The following PVR variants were observed in gnomAD, a reference collection of about 807,000 sequenced individuals.
PVR encodes poliovirus receptor.
A neutral mutation model predicts 43.3 loss-of-function variants in PVR; 39 were observed. The observed-to-expected ratio is 0.90, with a 90% confidence interval of 0.70 to 1.18. The LOEUF is 1.18. Ranked by LOEUF, PVR falls within the 50% of genes most tolerant of loss-of-function variation. PVR has a pLI of 0.00. For missense variants in PVR, 480 were observed against 549.7 expected (o/e 0.87, Z 1.27); for synonymous variants, 224 against 233.2 (o/e 0.96, Z 0.36).
At chr19:44,656,267 C>G (rs1973442432) in intron 4 of PVR, among the ~76,000 whole-genome samples, 1 of 152,182 alleles carries the variant, frequency 6.6e-6, no homozygotes, top group South Asian at 2.1e-4. Context: ...CCATTTTCAA[C>G]TCTGCAAATG....
intron 1 of PVR, 21 bp downstream of exon 1, chr19:44,644,196 C>A: frequency 6.8e-7 from 1 of 1,472,802 alleles, no homozygotes; most frequent in African/African-American, 1.5e-5. Flanking sequence ...CCCGCGCAGT[C>A]CGGTGGCCCC....
At chr19:44,649,767 G>T (rs776045814) in intron 2 of PVR, 42 bp from the exon 3 acceptor site, 2 of 1,600,324 alleles carry the variant, frequency 1.2e-6, no homozygotes, top group Non-Finnish European at 1.7e-6. Context: ...CTGCCACGGA[G>T]GGGTTCATTG....
rs1473480864 is a variant in PVR at position 44,664,196 on chromosome 19, A to G, written c.*2385A>G. On this transcript the variant is annotated 3_prime_UTR_variant, in exon 8 of 8. Coordinates refer to ENST00000425690, the MANE Select transcript of PVR (RefSeq NM_006505.5). The stretch of plus-strand genomic sequence containing the variant: ...ATTGAATAGTGCACTTTATTTATTT[A>G]TTTATTTGTTTATTTATTTATTTAT... The G allele has an allele frequency of 1.3e-5, 2 of 151,688 alleles. No homozygotes were observed. The highest frequency in any genetic ancestry group is 4.8e-5 in the African/African-American group (2 of 41,266). The allele number at this position is 151,688 out of a possible 1,614,324, so 9.4% of individuals were successfully genotyped here.
At position 44,661,867 on chromosome 19, in the gene PVR, A is replaced by G. The variant is rs1395466924; in HGVS notation, c.*56A>G. 6.5e-7 allele frequency: 1 copy of G among 1,533,940 alleles called. No individual in the cohort carries two copies. On this transcript the variant is annotated 3_prime_UTR_variant, in exon 8 of 8. Coordinates refer to ENST00000425690, the MANE Select transcript of PVR (RefSeq NM_006505.5). ...GGAGCTGGCAAGGACGTGGGCCTCC[A>G]GAGTTGGACCCGACCCCAATGGATG...
intron 1 of PVR, among the ~76,000 whole-genome samples, chr19:44,646,867 C>A (rs648257): frequency 1.3e-5 from 2 of 152,202 alleles, no homozygotes; most frequent in African/African-American, 4.8e-5. Flanking sequence ...GAACTGTATG[C>A]TTTAAATGAC....
rs150444777 is a variant in PVR at position 44,652,506 on chromosome 19, C to T, written c.725-1394C>T. On this transcript the variant is annotated intron_variant, in intron 3 of 7. Transcript: ENST00000425690. Reference sequence around the variant, plus strand: ...TCAAGTGATTCTCCTGCCTCAGCCTCCCGAGTAGCTGGGATTACAAGCCCT... The same window carrying T: ...TCAAGTGATTCTCCTGCCTCAGCCTTCCGAGTAGCTGGGATTACAAGCCCT... Among the ~76,000 whole-genome samples, 1,166 of 152,300 alleles carry T rather than the reference C, an allele frequency of 7.7e-3. 20 individuals carry two copies. The highest frequency in any genetic ancestry group is 0.026 in the African/African-American group (1,073 of 41,558).
At chr19:44,647,617 T>TG (rs1379812068) in intron 2 of PVR, 47 bp downstream of exon 2, 1 of 1,501,902 alleles carries the variant, frequency 6.7e-7, no homozygotes, top group South Asian at 1.3e-5. Context: ...AGAGACTTGG[T>TG]GGGAGGATCA....
At chr19:44,649,360 C>T (rs1337907010) in intron 2 of PVR, among the ~76,000 whole-genome samples, 1 of 151,932 alleles carries the variant, frequency 6.6e-6, no homozygotes, top group Non-Finnish European at 1.5e-5. Flanking sequence ...AACTGAGGCA[C>T]AGACTTGCCC....
rs1016163291 is a variant in PVR at position 44,665,982 on chromosome 19, A to G, written c.*4171A>G. 6.6e-6 allele frequency: 1 copy of G among 152,348 alleles called. No homozygotes were observed. Among genetic ancestry groups the G allele is most frequent in the Non-Finnish European group, 1.5e-5 (1 of 68,162 alleles). 9.4% of individuals were successfully genotyped at this position (152,348 alleles called of 1,614,324 possible). ...CGCCTGGAAGGCTGGACCAAACAGG[A>G]CCTGCCCTCTGGGGCTGGGGAGAGG... On this transcript the variant is annotated 3_prime_UTR_variant, in exon 8 of 8. Transcript: ENST00000425690.
chr19:44,648,781 A>G (rs532655374), intron 2 of PVR, among the ~76,000 whole-genome samples: 1 of 152,286 alleles, frequency 6.6e-6, no homozygotes, highest in East Asian at 1.9e-4. Context: ...ACAACACCCA[A>G]CCAAAGGCAG....
rs546148787 is a variant in PVR, at chr19:44,656,639, TG to T, written c.843-1122del. Among the ~76,000 whole-genome samples the T allele has an allele frequency of 3.0e-4, 46 of 152,308 alleles. No homozygotes were observed. In the South Asian group the frequency reaches 8.9e-3, roughly 30 times the overall value. On this transcript the variant is annotated intron_variant, in intron 4 of 7. Transcript: ENST00000425690. ...AGCAAGATAAAGTGTGTAGTGTGTG[TG>T]CAATGGTGATAAATACCATGGAGAA...
At position 44,662,259 on chromosome 19, in the gene PVR, GT is replaced by G. The variant is rs139429970; in HGVS notation, c.*454del. On this transcript the variant is annotated 3_prime_UTR_variant, in exon 8 of 8. Transcript: ENST00000425690. ...CTCACTCGAGATCTTTGTGTCCAGA[GT>G]TTTTTGTTTGTCTTGAGACAGGGTC... 3,412 of 175,626 alleles carry G rather than the reference GT, an allele frequency of 0.019. 135 individuals are homozygous for G. Among genetic ancestry groups the G allele is most frequent in the African/African-American group, 0.076 (3,226 of 42,722 alleles). 10.9% of individuals were successfully genotyped at this position (175,626 alleles called of 1,614,324 possible).
chr19:44,644,464 T>G (rs1973019746), intron 1 of PVR, among the ~76,000 whole-genome samples: 1 of 151,128 alleles, frequency 6.6e-6, no homozygotes, highest in Non-Finnish European at 1.5e-5. Flanking sequence ...GGGGATGGAG[T>G]TGGGTGAGGA....
intron 7 of PVR, among the ~76,000 whole-genome samples, 161 bp from the exon 8 acceptor site, chr19:44,661,579 T>G (rs1412239580): frequency 1.3e-5 from 2 of 152,078 alleles, no homozygotes; most frequent in African/African-American, 2.4e-5. Flanking sequence ...CCCACGCCCC[T>G]TCAATTCCAC....
At chr19:44,647,077 T>TGCCCCCCCC in intron 1 of PVR, 146 bp from the exon 2 acceptor site, 2 of 311,374 alleles carry the variant, frequency 6.4e-6, no homozygotes, top group Non-Finnish European at 1.1e-5. Context: ...GTGCCCCAGT[T>TGCCCCCCCC]CCCCCTCCCC....
intron 1 of PVR, among the ~76,000 whole-genome samples, 192 bp from the exon 2 acceptor site, chr19:44,647,031 C>T (rs1309260034): frequency 1.3e-5 from 2 of 152,218 alleles, no homozygotes; most frequent in African/African-American, 4.8e-5. Context: ...CCATCCCAGA[C>T]GCCCTTACCC....
intron 4 of PVR, among the ~76,000 whole-genome samples, 156 bp downstream of exon 4, chr19:44,654,173 C>T (rs934548656): frequency 6.6e-6 from 1 of 150,598 alleles, no homozygotes. Context: ...GCCCGGACTC[C>T]TGGGTCTGAG....
chr19:44,661,749 T>C lies in PVR; in HGVS notation c.1192T>C (p.Tyr398His). The C allele has an allele frequency of 6.2e-7, 1 of 1,614,008 alleles. No homozygotes were observed. The highest frequency in any genetic ancestry group is 8.5e-7 in the Non-Finnish European group (1 of 1,179,944). ...ASASANGHVS[Y>H]SAVSRENSSS... ...GAAAACCCTCTTCTAGCATGTCTCC[T>C]ATTCAGCTGTGAGCAGAGAGAACAG... The change falls in exon 8 of 8, where the codon TAT becomes CAT. Residue 398 changes from tyrosine (Y) to histidine (H), a missense_variant. By Grantham distance (83) the Tyr-to-His change is moderately conservative (BLOSUM62 2). Coordinates refer to ENST00000425690, the MANE Select transcript of PVR (RefSeq NM_006505.5).
Position 44,647,319 on chromosome 19 carries a change from C to T in PVR, c.176C>T (p.Thr59Met), listed in dbSNP as rs1172131934. The stretch of plus-strand genomic sequence containing the variant: ...CTACAGGTGCCCAACATGGAGGTGA[C>T]GCATGTGTCACAGCTGACTTGGGCG... The part of the protein sequence containing the change: ...CYLQVPNMEV[T>M]HVSQLTWARH... Residue 59 changes from threonine (T) to methionine (M), a missense_variant, in exon 2 of 8, where the codon ACG becomes ATG. Thr to Met is a moderately conservative substitution (Grantham distance 81). Transcript: ENST00000425690. 9.9e-6 allele frequency: 16 copies of T among 1,609,716 alleles called. No homozygotes were observed. The highest frequency in any genetic ancestry group is 1.3e-5 in the Non-Finnish European group (15 of 1,178,264).
Sources: allele counts gnomAD v4.1 joint callset (sites outside exome capture counted in the v4.1 genomes callset), GRCh38; gene constraint gnomAD v4.1.1; transcripts MANE v1.5; gene names NCBI Gene and HGNC (gene_info 2026-07-23, HGNC 2026-07-21).